The following RGS6 variants were observed in gnomAD, a reference collection of about 807,000 sequenced individuals.
RGS6 encodes regulator of G protein signaling 6.
In RGS6, 30 loss-of-function variants were observed where a neutral mutation model predicts 78.5. That is an observed-to-expected ratio of 0.38 (90% CI 0.29 to 0.52). The LOEUF is 0.52. Ranked by LOEUF, RGS6 falls within the 20% of genes least tolerant of loss-of-function variation. RGS6 has a pLI of 0.85. For synonymous variants in RGS6, 206 were observed against 206.0 expected, an observed-to-expected ratio of 1.00 and a Z score of 0.00; for missense variants, 495 against 609.7, an observed-to-expected ratio of 0.81 and a Z score of 1.98.
Position 72,038,056 on chromosome 14 carries a change from G to A in RGS6, c.84+73181G>A, listed in dbSNP as rs551867764. ...TGCAATCTCAGTCACTGCAACCTCT[G>A]CCTCCCAGGTTCAAGCTATTCTCCT... is the stretch of plus-strand genomic sequence containing the variant. On this transcript the variant is annotated intron_variant, in intron 2 of 17. Transcript: ENST00000553525. 7.1e-4 allele frequency among the ~76,000 whole-genome samples: 107 copies of A among 151,596 alleles called. 1 individual carries two copies. The South Asian group carries it at 0.015, about 21-fold the overall frequency.
At chr14:72,106,536 A>C (rs996499506) in intron 2 of RGS6, among the ~76,000 whole-genome samples, 1 of 152,120 alleles carries the variant, frequency 6.6e-6, no homozygotes, top group Non-Finnish European at 1.5e-5. Context: ...AAGCCCCTCC[A>C]TGTGTCCCTT....
At chr14:72,486,361 T>C (rs1438339245) in intron 12 of RGS6, among the ~76,000 whole-genome samples, 1 of 152,212 alleles carries the variant, frequency 6.6e-6, no homozygotes, top group Non-Finnish European at 1.5e-5. Flanking sequence ...TATCTGTTCC[T>C]GGACAAATCA....
chr14:72,530,046 A>C (rs1212187129), intron 15 of RGS6, among the ~76,000 whole-genome samples: 2 of 152,222 alleles, frequency 1.3e-5, no homozygotes, highest in Admixed American at 1.3e-4. Context: ...TTTGATTGAC[A>C]AGTTCTTTCT....
intron 2 of RGS6, among the ~76,000 whole-genome samples, chr14:72,093,674 T>C (rs2095336055): frequency 6.6e-6 from 1 of 152,222 alleles, no homozygotes; most frequent in Non-Finnish European, 1.5e-5. Context: ...CTCTGTTGTA[T>C]GAATCCCCTC....
chr14:72,522,293 C>T (rs1181383291), intron 15 of RGS6, among the ~76,000 whole-genome samples: 3 of 152,144 alleles, frequency 2.0e-5, no homozygotes, highest in African/African-American at 7.2e-5. Flanking sequence ...CTCTCATGAC[C>T]TCATTTGAAC....
At chr14:72,055,039 C>T (rs947936634) in intron 2 of RGS6, among the ~76,000 whole-genome samples, 4 of 152,158 alleles carry the variant, frequency 2.6e-5, no homozygotes, top group African/African-American at 9.7e-5. Context: ...TGTCATTGGG[C>T]ATTCAGGGTG....
intron 2 of RGS6, among the ~76,000 whole-genome samples, chr14:72,218,757 G>GCACA (rs952306624): frequency 6.6e-5 from 10 of 151,978 alleles, no homozygotes; most frequent in African/African-American, 2.4e-4. Flanking sequence ...GACTACAGGT[G>GCACA]CACACCACCA....
chr14:72,605,456 A>G, the RGS6 span, among the ~76,000 whole-genome samples: 1 of 152,248 alleles, frequency 6.6e-6, no homozygotes, highest in East Asian at 1.9e-4. Flanking sequence ...AACGAGCATT[A>G]ACAATGCTAA....
rs537426974 is a variant in RGS6, at chr14:72,279,203, C to G, written c.85-72892C>G. 2.8e-4 allele frequency among the ~76,000 whole-genome samples: 43 copies of G among 151,886 alleles called. No individual in the cohort carries two copies. In the South Asian group the frequency reaches 9.0e-3, roughly 32 times the overall value. ...TGGAACCTACAAGCAGAAGTGGGAA[C>G]CTGTGAGGTTGGACTGAAACTCAGA... On this transcript the variant is annotated intron_variant, in intron 2 of 17. Coordinates refer to ENST00000553525, the MANE Select transcript of RGS6 (RefSeq NM_001204424.2).
At chr14:72,080,314 A>G (rs1187716532) in intron 2 of RGS6, among the ~76,000 whole-genome samples, 1 of 151,834 alleles carries the variant, frequency 6.6e-6, no homozygotes, top group Non-Finnish European at 1.5e-5. Flanking sequence ...CCTGTTGGCC[A>G]TTCATATGTC....
At chr14:72,095,095 T>A (rs2095371100) in intron 2 of RGS6, among the ~76,000 whole-genome samples, 1 of 151,918 alleles carries the variant, frequency 6.6e-6, no homozygotes, top group Admixed American at 6.6e-5. Context: ...TCTAAATGAG[T>A]GGTTGAAAAT....
intron 2 of RGS6, among the ~76,000 whole-genome samples, chr14:72,106,217 A>G (rs2153535764): frequency 6.6e-6 from 1 of 152,344 alleles, no homozygotes; most frequent in African/African-American, 2.4e-5. Context: ...CATTAATTTA[A>G]CATTGTATTG....
At chr14:72,592,520 T>G in the RGS6 span, among the ~76,000 whole-genome samples, 3 of 152,246 alleles carry the variant, frequency 2.0e-5, no homozygotes, top group Non-Finnish European at 4.4e-5. Flanking sequence ...ATGCATATTT[T>G]CAAGGAAAGA....
chr14:72,067,103 A>G (rs1299770471), intron 2 of RGS6, among the ~76,000 whole-genome samples: 3 of 152,152 alleles, frequency 2.0e-5, no homozygotes, highest in African/African-American at 7.2e-5. Context: ...GCTATTGTAA[A>G]TAGTGCTGCA....
chr14:72,389,688 C>T (rs1406346859), intron 3 of RGS6, among the ~76,000 whole-genome samples: 2 of 152,134 alleles, frequency 1.3e-5, no homozygotes, highest in African/African-American at 4.8e-5. Flanking sequence ...CCTAAGATCC[C>T]CCAATAATTG....
At position 72,540,053 on chromosome 14, in the gene RGS6, C is replaced by A; in HGVS notation, c.1381C>A (p.Gln461Lys). Reference sequence around the variant, plus strand: ...TTTTTTCCTAAAGCCAGAAAGTGAGCAAGGTCGTAGAACTTCCCTAGAAAA... The same window carrying A: ...TTTTTTCCTAAAGCCAGAAAGTGAGAAAGGTCGTAGAACTTCCCTAGAAAA... The part of the protein sequence containing the change: ...LLAKKKPESE[Q>K]GRRTSLEKFT... The change falls in exon 17 of 18, where the codon CAA becomes AAA. Residue 461 changes from glutamine to lysine, a missense_variant. By Grantham distance (53) the Gln-to-Lys change is moderately conservative. Transcript: ENST00000553525. The A allele has an allele frequency of 6.3e-7, 1 of 1,580,932 alleles. No homozygotes were observed. The highest frequency in any genetic ancestry group is 8.5e-7 in the Non-Finnish European group (1 of 1,174,306).
chr14:72,328,360 G>A (rs967106636), intron 2 of RGS6, among the ~76,000 whole-genome samples: 1 of 152,162 alleles, frequency 6.6e-6, no homozygotes. Flanking sequence ...AATGCATAAA[G>A]TCCATCTAGA....
intron 2 of RGS6, among the ~76,000 whole-genome samples, chr14:72,258,027 T>A (rs982894055): frequency 2.0e-5 from 3 of 152,240 alleles, no homozygotes; most frequent in African/African-American, 7.2e-5. Flanking sequence ...TCCAAATACA[T>A]TGGAACCACA....
intron 1 of RGS6, among the ~76,000 whole-genome samples, chr14:71,953,739 C>T (rs376974498): frequency 6.6e-6 from 1 of 152,024 alleles, no homozygotes. Flanking sequence ...AAGAAAAATA[C>T]AATATGTTGT....
Sources: allele counts gnomAD v4.1 joint callset (sites outside exome capture counted in the v4.1 genomes callset), GRCh38; gene constraint gnomAD v4.1.1; transcripts MANE v1.5; gene names NCBI Gene and HGNC (gene_info 2026-07-23, HGNC 2026-07-21).